The following PHF24 variants were observed in gnomAD, a reference collection of about 807,000 sequenced individuals.
PHF24 encodes Galpha inhibitory interacting protein.
A neutral mutation model predicts 42.6 loss-of-function variants in PHF24; 25 were observed. That is an observed-to-expected ratio of 0.59 (90% CI 0.43 to 0.82). The LOEUF is 0.82. PHF24 is among the 40% of genes least tolerant of loss of function. PHF24 has a pLI of 0.00. For synonymous variants in PHF24, 185 were observed against 204.8 expected, an observed-to-expected ratio of 0.90 and a Z score of 0.83; for missense variants, 470 against 538.1, an observed-to-expected ratio of 0.87 and a Z score of 1.25.
the PHF24 span, among the ~76,000 whole-genome samples, chr9:34,788,730 C>T: frequency 6.6e-6 from 1 of 152,020 alleles, no homozygotes; most frequent in Non-Finnish European, 1.5e-5. Flanking sequence ...GAGGGTGAGC[C>T]CCTGAGGAAA....
At chr9:34,881,569 A>C in the PHF24 span, among the ~76,000 whole-genome samples, 510 of 152,334 alleles carry the variant, frequency 3.3e-3, 1 homozygote, top group South Asian at 0.018. Flanking sequence ...ATCATCAGAG[A>C]ATACTATAAA....
At chr9:34,909,587 T>C in the PHF24 span, among the ~76,000 whole-genome samples, 1 of 152,128 alleles carries the variant, frequency 6.6e-6, no homozygotes, top group African/African-American at 2.4e-5. Context: ...TACTTTGTTC[T>C]TTTGAGAGGT....
chr9:34,694,218 C>G, the PHF24 span, among the ~76,000 whole-genome samples: 13 of 125,854 alleles, frequency 1.0e-4, no homozygotes, highest in South Asian at 3.1e-3. Context: ...CACCCAGGCT[C>G]TAGTGCAGTG....
At chr9:34,938,261 T>A in the PHF24 span, among the ~76,000 whole-genome samples, 1 of 152,194 alleles carries the variant, frequency 6.6e-6, no homozygotes, top group Non-Finnish European at 1.5e-5. Flanking sequence ...GAGGGGAAGT[T>A]CAGCAAAGCA....
the PHF24 span, among the ~76,000 whole-genome samples, chr9:34,852,646 C>T: frequency 5.9e-5 from 9 of 152,194 alleles, no homozygotes; most frequent in Admixed American, 2.0e-4. Flanking sequence ...TGCTATTAGC[C>T]TTATTGAAAC....
chr9:34,973,660 T>C (rs1365452284), intron 3 of PHF24, among the ~76,000 whole-genome samples: 2 of 152,212 alleles, frequency 1.3e-5, no homozygotes, highest in Non-Finnish European at 2.9e-5. Context: ...CAAATAACTC[T>C]TCCTCTATGG....
chr9:34,749,481 T>C, the PHF24 span, among the ~76,000 whole-genome samples: 1 of 151,940 alleles, frequency 6.6e-6, no homozygotes, highest in African/African-American at 2.4e-5. Flanking sequence ...ACCTCTAATC[T>C]GAGCACCTTG....
the PHF24 span, among the ~76,000 whole-genome samples, chr9:34,669,958 G>A: frequency 6.6e-6 from 1 of 152,126 alleles, no homozygotes; most frequent in Non-Finnish European, 1.5e-5. Flanking sequence ...GGAAGGGGGC[G>A]CTGGAGATTG....
chr9:34,885,732 T>C, the PHF24 span, among the ~76,000 whole-genome samples: 3 of 152,114 alleles, frequency 2.0e-5, no homozygotes, highest in Non-Finnish European at 2.9e-5. Flanking sequence ...TCAGGCTCCA[T>C]GCATTTAGAG....
At chr9:34,692,881 G>C in the PHF24 span, among the ~76,000 whole-genome samples, 2 of 150,838 alleles carry the variant, frequency 1.3e-5, no homozygotes, top group African/African-American at 4.9e-5. Flanking sequence ...CCACCTCCTG[G>C]GCTCAAGGGA....
chr9:34,940,095 G>T, the PHF24 span, among the ~76,000 whole-genome samples: 1 of 152,172 alleles, frequency 6.6e-6, no homozygotes, highest in Non-Finnish European at 1.5e-5. Context: ...GAGGTGGGGG[G>T]AAAGTCTCTT....
the PHF24 span, among the ~76,000 whole-genome samples, chr9:34,868,368 A>C: frequency 2.0e-5 from 3 of 152,218 alleles, no homozygotes; most frequent in Admixed American, 6.5e-5. Context: ...GGCAGTGAGA[A>C]CTATCTCGAT....
the PHF24 span, among the ~76,000 whole-genome samples, chr9:34,673,332 C>A: frequency 7.4e-6 from 1 of 134,566 alleles, no homozygotes; most frequent in Admixed American, 7.7e-5. Flanking sequence ...CCGGTCCGGG[C>A]TACAGAGCGA....
the PHF24 span, among the ~76,000 whole-genome samples, chr9:34,720,385 C>T: frequency 4.7e-5 from 7 of 147,386 alleles, no homozygotes; most frequent in African/African-American, 1.8e-4. Flanking sequence ...GCGGAGCTTG[C>T]AGTGAGCCGA....
At chr9:34,714,305 G>A in the PHF24 span, among the ~76,000 whole-genome samples, 17 of 149,146 alleles carry the variant, frequency 1.1e-4, no homozygotes, top group African/African-American at 2.7e-4. Context: ...CAGCTCCCTG[G>A]TTTCCCCACC....
At chr9:34,783,481 A>T in the PHF24 span, among the ~76,000 whole-genome samples, 4 of 152,082 alleles carry the variant, frequency 2.6e-5, no homozygotes, top group South Asian at 8.3e-4. Flanking sequence ...CTAATATTCT[A>T]TCATAGCCCT....
At chr9:34,890,188 T>A in the PHF24 span, among the ~76,000 whole-genome samples, 113 of 152,318 alleles carry the variant, frequency 7.4e-4, 2 homozygotes, top group East Asian at 0.019. Context: ...GGAGTTCTGC[T>A]TAGAAGTGCC....
chr9:34,690,420 A>T, the PHF24 span: 1 of 1,117,344 alleles, frequency 8.9e-7, no homozygotes. Context: ...CGGATTGAGG[A>T]CACCTGTGTG....
chr9:34,880,151 G>A, the PHF24 span, among the ~76,000 whole-genome samples: 1 of 152,162 alleles, frequency 6.6e-6, no homozygotes, highest in Non-Finnish European at 1.5e-5. Flanking sequence ...AGCAAATACT[G>A]AGAGATTTTG....
Sources: allele counts gnomAD v4.1 joint callset (sites outside exome capture counted in the v4.1 genomes callset), GRCh38; gene constraint gnomAD v4.1.1; transcripts MANE v1.5; gene names NCBI Gene and HGNC (gene_info 2026-07-23, HGNC 2026-07-21).